AUTS2: variants seen among roughly 807,000 people sequenced by gnomAD.
AUTS2 encodes activator of transcription and developmental regulator AUTS2, also known as autism susceptibility gene 2 protein.
In AUTS2, 17 loss-of-function variants were observed where a neutral mutation model predicts 112.4. The observed-to-expected ratio is 0.15, with a 90% CI of 0.10 to 0.23. AUTS2 has a LOEUF of 0.23. AUTS2 is among the 10% of genes least tolerant of loss of function. The probability of loss-of-function intolerance (pLI) is 1.00; values close to 1 mark genes in which losing one functional copy is unlikely to be tolerated. For missense variants in AUTS2, 1,510 were observed against 1,701.6 expected, an observed-to-expected ratio of 0.89 and a Z score of 1.98; for synonymous variants, 751 against 702.7, an observed-to-expected ratio of 1.07 and a Z score of -1.09.
chr7:70,286,931 C>G (rs1017176978), intron 4 of AUTS2, among the ~76,000 whole-genome samples: 5 of 152,266 alleles, frequency 3.3e-5, no homozygotes, highest in Admixed American at 3.3e-4. Context: ...TCATAGGGGT[C>G]TCTTTCTAAG....
intron 5 of AUTS2, among the ~76,000 whole-genome samples, chr7:70,623,880 C>T (rs2129537091): frequency 1.3e-5 from 2 of 152,292 alleles, no homozygotes; most frequent in East Asian, 3.9e-4. Context: ...TCAAAGTGTT[C>T]TCTGCTGTTT....
At chr7:70,054,161 G>A (rs923139004) in intron 2 of AUTS2, among the ~76,000 whole-genome samples, 3 of 152,120 alleles carry the variant, frequency 2.0e-5, no homozygotes, top group African/African-American at 7.2e-5. Flanking sequence ...TGAATTTTGA[G>A]TTTTACTTTC....
intron 4 of AUTS2, among the ~76,000 whole-genome samples, chr7:70,352,255 T>G (rs1178101589): frequency 1.3e-5 from 2 of 152,172 alleles, no homozygotes; most frequent in Non-Finnish European, 2.9e-5. Flanking sequence ...TTTGGAGTGG[T>G]TTGTTTCAGT....
intron 4 of AUTS2, among the ~76,000 whole-genome samples, chr7:70,355,914 C>T (rs764228765): frequency 2.6e-5 from 4 of 152,144 alleles, no homozygotes; most frequent in Non-Finnish European, 5.9e-5. Context: ...TCCTTGTAAT[C>T]GGGCTTTCTG....
chr7:70,150,776 A>G (rs985490161), intron 4 of AUTS2, among the ~76,000 whole-genome samples: 9 of 152,232 alleles, frequency 5.9e-5, no homozygotes, highest in African/African-American at 9.6e-5. Flanking sequence ...TAGTTAATCA[A>G]ATTAATCCCT....
At chr7:69,909,509 A>G (rs1424513676) in intron 2 of AUTS2, among the ~76,000 whole-genome samples, 3 of 152,152 alleles carry the variant, frequency 2.0e-5, no homozygotes, top group Admixed American at 1.3e-4. Flanking sequence ...TCAAATTACA[A>G]AAGTTGGTGA....
chr7:70,455,510 G>A (rs1796700928), intron 5 of AUTS2, among the ~76,000 whole-genome samples: 1 of 152,276 alleles, frequency 6.6e-6, no homozygotes, highest in African/African-American at 2.4e-5. Context: ...AGATAGGAAC[G>A]CGGGACTTCC....
intron 1 of AUTS2, among the ~76,000 whole-genome samples, chr7:69,624,988 C>G (rs1469817600): frequency 7.1e-6 from 1 of 140,932 alleles, no homozygotes; most frequent in Non-Finnish European, 1.5e-5. Flanking sequence ...GTGCCAGTAA[C>G]AGATAAATTA....
At chr7:70,348,634 C>G (rs1294143043) in intron 4 of AUTS2, among the ~76,000 whole-genome samples, 1 of 151,842 alleles carries the variant, frequency 6.6e-6, no homozygotes, top group Non-Finnish European at 1.5e-5. Flanking sequence ...GAAACCCCGT[C>G]TCTACTAAAA....
chr7:70,631,093 C>T lies in AUTS2; in HGVS notation c.691-67476C>T, dbSNP rs1805233710. Among the ~76,000 whole-genome samples the T allele has an allele frequency of 6.6e-6, 1 of 152,168 alleles. No individual in the cohort carries two copies. Among genetic ancestry groups the T allele is most frequent in the Non-Finnish European group, 1.5e-5 (1 of 68,036 alleles). On this transcript the variant is annotated intron_variant, in intron 5 of 18. Coordinates refer to ENST00000342771, the MANE Select transcript of AUTS2 (RefSeq NM_015570.4). The surrounding 1 kb of genome is among the most constrained non-coding windows in gnomAD (Gnocchi z 4.5). ...GTCTGTCAGAATGGGCTGCTTCCCT[C>T]AGCAGCAGCCACAGCCAGCAACCCG...
chr7:69,823,597 T>TA (rs1326748418), intron 1 of AUTS2, among the ~76,000 whole-genome samples: 1 of 152,182 alleles, frequency 6.6e-6, no homozygotes, highest in Admixed American at 6.5e-5. Flanking sequence ...CTCTTTTAAT[T>TA]AGGGGCGACT....
chr7:69,599,668 G>T lies in AUTS2; in HGVS notation c.15G>T (p.Thr5=), dbSNP rs1041341061. 7.7e-7 allele frequency: 1 copy of T among 1,307,062 alleles called. No individual in the cohort carries two copies. Among genetic ancestry groups the T allele is most frequent in the Non-Finnish European group, 9.7e-7 (1 of 1,031,780 alleles). The allele number at this position is 1,307,062 out of a possible 1,614,324, so 81.0% of individuals were successfully genotyped here. Residue 5 remains threonine, a synonymous_variant, in exon 1 of 19, where the codon ACG becomes ACT. Transcript: ENST00000342771. The surrounding 1 kb of genome is among the most constrained non-coding windows in gnomAD (Gnocchi z 7.0). MDGP[T]RGHGLRKKRR... is the part of the protein sequence containing the mutation. Reference sequence around the variant, plus strand: ...GCAGCAGAACCATGGATGGCCCGACGCGGGGCCATGGACTCCGCAAAAAGC... The same window carrying T: ...GCAGCAGAACCATGGATGGCCCGACTCGGGGCCATGGACTCCGCAAAAAGC...
At chr7:70,615,565 C>CTTGTTG (rs57037063) in intron 5 of AUTS2, among the ~76,000 whole-genome samples, 20,314 of 148,460 alleles carry the variant, frequency 0.14, 1,461 homozygotes, top group East Asian at 0.18. Flanking sequence ...AGATTTATGG[C>CTTGTTG]TTGTTGTTGT....
intron 1 of AUTS2, among the ~76,000 whole-genome samples, chr7:69,823,795 A>G (rs1791112586): frequency 2.6e-5 from 4 of 152,180 alleles, no homozygotes; most frequent in Non-Finnish European, 5.9e-5. Context: ...AACCAGCAAG[A>G]GGAACTCAGT....
chr7:70,009,217 G>T (rs778336930), intron 2 of AUTS2, among the ~76,000 whole-genome samples: 1 of 152,064 alleles, frequency 6.6e-6, no homozygotes, highest in Admixed American at 6.6e-5. Context: ...ACCCACTCTC[G>T]CAATAACCAA....
intron 1 of AUTS2, among the ~76,000 whole-genome samples, chr7:69,844,899 T>C (rs1792128526): frequency 6.6e-6 from 1 of 152,170 alleles, no homozygotes; most frequent in African/African-American, 2.4e-5. Context: ...ATAAAATTAT[T>C]TAAATTTCTA....
At chr7:69,918,066 T>A (rs1411820335) in intron 2 of AUTS2, among the ~76,000 whole-genome samples, 1 of 151,994 alleles carries the variant, frequency 6.6e-6, no homozygotes, top group Non-Finnish European at 1.5e-5. Context: ...TGGTCTTGAT[T>A]TCCTGACCTC....
intron 5 of AUTS2, among the ~76,000 whole-genome samples, chr7:70,513,451 T>C (rs973535679): frequency 9.2e-5 from 14 of 152,106 alleles, no homozygotes; most frequent in African/African-American, 2.7e-4. Context: ...AGAGTGAGGA[T>C]GTAATAAGGG....
chr7:69,836,892 A>G (rs892919984), intron 1 of AUTS2, among the ~76,000 whole-genome samples: 3 of 152,128 alleles, frequency 2.0e-5, no homozygotes, highest in African/African-American at 7.2e-5. Flanking sequence ...CTTCGAGCTC[A>G]CTCTAGTGGG....
Sources: gnomAD v4.1 joint callset for allele counts (sites outside exome capture counted in the v4.1 genomes callset) on GRCh38, gnomAD v4.1.1 for gene constraint, Gnocchi (gnomAD v3.1) non-coding constraint, MANE v1.5 for transcripts, NCBI Gene and HGNC (gene_info 2026-07-23, HGNC 2026-07-21) for gene names.